CLNK: variants seen among roughly 807,000 people sequenced by gnomAD.
CLNK encodes cytokine dependent hematopoietic cell linker.
Under a neutral mutation model 68.6 loss-of-function variants are expected in CLNK, and 74 were observed. That is an observed-to-expected ratio of 1.08 (90% CI 0.89 to 1.31). The LOEUF is 1.31. Ranked by LOEUF, CLNK falls within the 50% of genes most tolerant of loss-of-function variation. The probability of loss-of-function intolerance (pLI) is 0.00; values close to 1 mark genes in which losing one functional copy is unlikely to be tolerated. For missense variants in CLNK, 553 were observed against 515.3 expected (o/e 1.07, Z -0.71); for synonymous variants, 198 against 172.2 (o/e 1.15, Z -1.17).
intron 8 of CLNK, among the ~76,000 whole-genome samples, chr4:10,545,909 G>A (rs1434822868): frequency 1.3e-5 from 2 of 152,146 alleles, no homozygotes; most frequent in African/African-American, 4.8e-5. Flanking sequence ...GCTTGAGCCG[G>A]GCAGCCATGA....
chr4:10,628,778 C>T (rs1474084478), intron 2 of CLNK, among the ~76,000 whole-genome samples: 1 of 152,214 alleles, frequency 6.6e-6, no homozygotes, highest in African/African-American at 2.4e-5. Flanking sequence ...ATCTTACCGT[C>T]TCTCCCAAAG....
intron 12 of CLNK, chr4:10,531,412 A>G (rs926597741): frequency 3.9e-5 from 6 of 153,798 alleles, no homozygotes; most frequent in Non-Finnish European, 8.7e-5. Flanking sequence ...ACCCATCCCT[A>G]TTTTATTTTA....
the CLNK span, among the ~76,000 whole-genome samples, chr4:10,724,495 G>GTTTTTTTTTTTTTTTT: frequency 1.4e-5 from 1 of 73,178 alleles, no homozygotes; most frequent in Non-Finnish European, 3.4e-5. Context: ...TTTTTTTTTC[G>GTTTTTTTTTTTTTTTT]TTGCCTATTA....
chr4:10,491,842 G>A (rs191135964), intron 18 of CLNK, among the ~76,000 whole-genome samples: 3 of 152,134 alleles, frequency 2.0e-5, no homozygotes, highest in East Asian at 1.9e-4. Flanking sequence ...GTATAATGGT[G>A]AAGTTTGGGC....
chr4:10,536,737 T>C (rs1718774950), intron 11 of CLNK, among the ~76,000 whole-genome samples: 1 of 152,152 alleles, frequency 6.6e-6, no homozygotes, highest in Non-Finnish European at 1.5e-5. Context: ...TTGAGGTGTT[T>C]TGGTGAAGAG....
At chr4:10,575,470 G>A (rs1248187856) in intron 4 of CLNK, among the ~76,000 whole-genome samples, 1 of 152,240 alleles carries the variant, frequency 6.6e-6, no homozygotes, top group African/African-American at 2.4e-5. Flanking sequence ...AAATTAAAGA[G>A]CGCCTCTCCA....
intron 5 of CLNK, among the ~76,000 whole-genome samples, chr4:10,568,568 T>C (rs1015346996): frequency 7.9e-5 from 12 of 151,910 alleles, no homozygotes; most frequent in Non-Finnish European, 4.4e-5. Flanking sequence ...AGAAAGGAAG[T>C]AGACAAGAAA....
At chr4:10,727,298 G>C in the CLNK span, among the ~76,000 whole-genome samples, 1 of 152,186 alleles carries the variant, frequency 6.6e-6, no homozygotes, top group East Asian at 1.9e-4. Flanking sequence ...TGCAGGTGGG[G>C]CTCATACTGA....
chr4:10,574,505 C>T (rs979794706), intron 4 of CLNK, among the ~76,000 whole-genome samples: 1 of 152,180 alleles, frequency 6.6e-6, no homozygotes, highest in Non-Finnish European at 1.5e-5. Flanking sequence ...CCCTGGTCTG[C>T]CTTCCGCAAG....
intron 8 of CLNK, among the ~76,000 whole-genome samples, chr4:10,551,859 T>C (rs1719475427): frequency 6.6e-6 from 1 of 151,696 alleles, no homozygotes; most frequent in Non-Finnish European, 1.5e-5. Flanking sequence ...TTTTTTTTTT[T>C]TTTTTTGAGA....
intron 18 of CLNK, among the ~76,000 whole-genome samples, chr4:10,493,245 G>A (rs1460997404): frequency 2.0e-5 from 3 of 152,232 alleles, no homozygotes; most frequent in African/African-American, 7.2e-5. Context: ...TTGAACCTGG[G>A]AGGCGGAGGT....
intron 1 of CLNK, among the ~76,000 whole-genome samples, chr4:10,678,540 T>C (rs1490674609): frequency 6.6e-5 from 10 of 152,038 alleles, no homozygotes. Flanking sequence ...AGATGAATAA[T>C]AAAAAATAAA....
chr4:10,597,976 A>G lies in CLNK; in HGVS notation c.83+2T>C. 6.4e-7 allele frequency: 1 copy of G among 1,565,544 alleles called. No homozygotes were observed. The highest frequency in any genetic ancestry group is 8.7e-7 in the Non-Finnish European group (1 of 1,150,444). On this transcript the variant is annotated splice_donor_variant, in intron 3 of 18. Transcript: ENST00000226951. LOFTEE classifies it high-confidence loss of function. Reference sequence around the variant, plus strand: ...TATTAATAAACAAGTAAATATTCTGACCTGTTTTTTGGCAGACTGAAGTTC... The same window carrying G: ...TATTAATAAACAAGTAAATATTCTGGCCTGTTTTTTGGCAGACTGAAGTTC...
chr4:10,533,435 G>T (rs1264857593), intron 11 of CLNK, among the ~76,000 whole-genome samples: 1 of 152,182 alleles, frequency 6.6e-6, no homozygotes, highest in Non-Finnish European at 1.5e-5. Context: ...AGTATTAAGT[G>T]TGCAACACTG....
intron 15 of CLNK, among the ~76,000 whole-genome samples, chr4:10,519,215 T>A (rs1017741459): frequency 6.6e-6 from 1 of 152,232 alleles, no homozygotes; most frequent in Non-Finnish European, 1.5e-5. Context: ...CCAGTACAGA[T>A]GATCTACTTA....
intron 3 of CLNK, among the ~76,000 whole-genome samples, chr4:10,587,051 G>A (rs988023868): frequency 6.6e-6 from 1 of 151,492 alleles, no homozygotes; most frequent in East Asian, 1.9e-4. Flanking sequence ...TGCAACCTCC[G>A]CCTCCCACGT....
chr4:10,525,190 G>A (rs1372666712), intron 14 of CLNK, among the ~76,000 whole-genome samples: 3 of 151,900 alleles, frequency 2.0e-5, no homozygotes, highest in African/African-American at 4.8e-5. Context: ...TCAGCCTCCC[G>A]AGTAGCTGGG....
rs116431615 is a variant in CLNK, at chr4:10,675,331, T to C, written c.-42-7420A>G. Reference sequence around the variant, plus strand: ...GCTCAGAACCCACCTGGGGTCTGAGTGAATGTTTTAAGAAGCAGAGACTTG... The same window carrying C: ...GCTCAGAACCCACCTGGGGTCTGAGCGAATGTTTTAAGAAGCAGAGACTTG... On this transcript the variant is annotated intron_variant, in intron 1 of 18. Coordinates refer to ENST00000226951, the MANE Select transcript of CLNK (RefSeq NM_052964.4). 4.0e-3 allele frequency among the ~76,000 whole-genome samples: 607 copies of C among 152,176 alleles called. 5 individuals are homozygous for C. The highest frequency in any genetic ancestry group is 0.013 in the African/African-American group (538 of 41,502).
chr4:10,504,364 C>T (rs932024629), intron 17 of CLNK, among the ~76,000 whole-genome samples: 1 of 152,060 alleles, frequency 6.6e-6, no homozygotes, highest in African/African-American at 2.4e-5. Flanking sequence ...TCGAGATTCG[C>T]CCGCCTCGGG....
Sources: allele counts gnomAD v4.1 joint callset (sites outside exome capture counted in the v4.1 genomes callset), GRCh38; gene constraint gnomAD v4.1.1; transcripts MANE v1.5; gene names NCBI Gene and HGNC (gene_info 2026-07-23, HGNC 2026-07-21).